DPP10: variants seen among roughly 807,000 people sequenced by gnomAD.
DPP10 encodes inactive dipeptidyl peptidase 10.
DPP10 carries 33 observed loss-of-function variants against 120.9 expected under a neutral mutation model. That is an observed-to-expected ratio of 0.27 (90% confidence interval 0.21 to 0.37). DPP10 has a LOEUF of 0.37. Ranked by LOEUF, DPP10 falls within the 10% of genes least tolerant of loss-of-function variation. DPP10 has a pLI of 1.00. For missense variants in DPP10, 816 were observed against 942.8 expected (o/e 0.87, Z 1.76); for synonymous variants, 337 against 326.1 (o/e 1.03, Z -0.36).
intron 1 of DPP10, among the ~76,000 whole-genome samples, chr2:114,658,908 C>T (rs1573904520): frequency 6.6e-6 from 1 of 152,170 alleles, no homozygotes; most frequent in African/African-American, 2.4e-5. Context: ...CCCCACATGT[C>T]GAGGGTGAAA....
intron 3 of DPP10, among the ~76,000 whole-genome samples, chr2:115,346,556 C>T (rs991429227): frequency 2.0e-5 from 3 of 152,260 alleles, no homozygotes; most frequent in Admixed American, 1.3e-4. Context: ...AGCTTAACAA[C>T]GGCCTTACCC....
intron 1 of DPP10, among the ~76,000 whole-genome samples, chr2:115,292,954 C>A (rs2060719169): frequency 6.6e-6 from 1 of 152,076 alleles, no homozygotes; most frequent in Non-Finnish European, 1.5e-5. Flanking sequence ...GCTGGCTGCC[C>A]ACGTTTCTCA....
intron 3 of DPP10, among the ~76,000 whole-genome samples, chr2:115,443,847 G>A (rs2072310029): frequency 6.6e-6 from 1 of 152,122 alleles, no homozygotes; most frequent in Admixed American, 6.5e-5. Flanking sequence ...TGATATTTGG[G>A]CCAGAAAATT....
chr2:114,925,737 T>C (rs1695571425), intron 1 of DPP10, among the ~76,000 whole-genome samples: 1 of 152,074 alleles, frequency 6.6e-6, no homozygotes, highest in East Asian at 1.9e-4. Flanking sequence ...TAGCTGTGTG[T>C]GAATGTGTAC....
At chr2:115,789,580 C>A (rs768631251) in intron 17 of DPP10, among the ~76,000 whole-genome samples, 1 of 152,168 alleles carries the variant, frequency 6.6e-6, no homozygotes, top group Non-Finnish European at 1.5e-5. Flanking sequence ...TATTTGTTCT[C>A]ACTCCTTCTG....
At chr2:115,296,744 C>T (rs944878170) in intron 1 of DPP10, among the ~76,000 whole-genome samples, 3 of 152,056 alleles carry the variant, frequency 2.0e-5, no homozygotes, top group East Asian at 3.9e-4. Flanking sequence ...ATACATTATT[C>T]ATCTTCCCAA....
chr2:115,787,027 T>C (rs1451639609), intron 17 of DPP10, among the ~76,000 whole-genome samples: 3 of 152,178 alleles, frequency 2.0e-5, no homozygotes, highest in Admixed American at 1.3e-4. Context: ...CCCAGAAGTG[T>C]CCTGCCTTTT....
chr2:115,142,149 A>G (rs1054539142), intron 1 of DPP10, among the ~76,000 whole-genome samples: 2 of 152,180 alleles, frequency 1.3e-5, no homozygotes, highest in African/African-American at 4.8e-5. Context: ...TTATATATAT[A>G]GACAGCCAGA....
Position 115,110,212 on chromosome 2 carries a change from T to A in DPP10, c.61-199027T>A, listed in dbSNP as rs572430324. Among the ~76,000 whole-genome samples, 5 of 152,282 alleles carry A rather than the reference T, an allele frequency of 3.3e-5. No homozygotes were observed. In the East Asian group the frequency reaches 7.7e-4, roughly 24 times the overall value. ...TTTTTGGTGATCAACCATTTCATAG[T>A]GATGACGAGGAAAGTCTAAAAATTC... On this transcript the variant is annotated intron_variant, in intron 1 of 25. Coordinates refer to ENST00000410059, the MANE Select transcript of DPP10 (RefSeq NM_020868.6).
chr2:115,497,233 G>A (rs13402727), intron 3 of DPP10, among the ~76,000 whole-genome samples: 20,882 of 151,916 alleles, frequency 0.14, 3,152 homozygotes, highest in African/African-American at 0.36. Flanking sequence ...AGTATTACAA[G>A]GGTGGTTTCA....
At chr2:115,412,228 T>C (rs2069006169) in intron 3 of DPP10, among the ~76,000 whole-genome samples, 1 of 152,176 alleles carries the variant, frequency 6.6e-6, no homozygotes, top group South Asian at 2.1e-4. Context: ...GTGTGGCAAC[T>C]CTGTTCACAT....
At chr2:114,617,794 A>G (rs1380009865) in intron 1 of DPP10, among the ~76,000 whole-genome samples, 1 of 152,112 alleles carries the variant, frequency 6.6e-6, no homozygotes, top group South Asian at 2.1e-4. Context: ...TTGCTATTAC[A>G]TTATGTGACT....
intron 5 of DPP10, among the ~76,000 whole-genome samples, chr2:115,646,212 C>T (rs958715088): frequency 2.6e-5 from 4 of 152,126 alleles, no homozygotes; most frequent in African/African-American, 9.7e-5. Flanking sequence ...TATTACTGCA[C>T]TGGCCCTGCT....
At chr2:114,471,074 A>G (rs911359017) in intron 1 of DPP10, among the ~76,000 whole-genome samples, 4 of 152,240 alleles carry the variant, frequency 2.6e-5, no homozygotes, top group African/African-American at 9.6e-5. Context: ...AAACTATGAC[A>G]ACTAAAATCT....
chr2:114,670,272 A>G (rs930377507), intron 1 of DPP10, among the ~76,000 whole-genome samples: 4 of 152,174 alleles, frequency 2.6e-5, no homozygotes, highest in African/African-American at 9.7e-5. Flanking sequence ...AACCAACCCA[A>G]ATGTCCCACA....
chr2:115,448,765 C>G (rs1415878198), intron 3 of DPP10, among the ~76,000 whole-genome samples: 1 of 152,056 alleles, frequency 6.6e-6, no homozygotes, highest in Non-Finnish European at 1.5e-5. Context: ...AAATGCTATT[C>G]CATTTCATTC....
At chr2:114,965,708 G>C (rs1029873155) in intron 1 of DPP10, among the ~76,000 whole-genome samples, 1 of 151,922 alleles carries the variant, frequency 6.6e-6, no homozygotes, top group Non-Finnish European at 1.5e-5. Context: ...GCCGGGCGCG[G>C]TGGCTCACGC....
At chr2:115,107,317 C>T (rs2048996981) in intron 1 of DPP10, among the ~76,000 whole-genome samples, 1 of 147,608 alleles carries the variant, frequency 6.8e-6, no homozygotes, top group African/African-American at 2.5e-5. Flanking sequence ...TACTGAAACT[C>T]AAGGATTAAA....
chr2:115,149,576 A>G (rs1437362487), intron 1 of DPP10, among the ~76,000 whole-genome samples: 4 of 152,190 alleles, frequency 2.6e-5, no homozygotes, highest in African/African-American at 9.6e-5. Context: ...CTCTTGAACT[A>G]GTAGTCTTTG....
Sources: gnomAD v4.1 joint callset for allele counts (sites outside exome capture counted in the v4.1 genomes callset) on GRCh38, gnomAD v4.1.1 for gene constraint, MANE v1.5 for transcripts, NCBI Gene and HGNC (gene_info 2026-07-23, HGNC 2026-07-21) for gene names.